Variants in DPY19L3 observed in about 807,000 individuals in gnomAD.
DPY19L3 encodes dpy-19 like C-mannosyltransferase 3.
DPY19L3 carries 51 observed loss-of-function variants against 92.3 expected under a neutral mutation model. The observed-to-expected ratio is 0.55, with a 90% CI of 0.44 to 0.70. The LOEUF is 0.70. Ranked by LOEUF, DPY19L3 falls within the 30% of genes least tolerant of loss-of-function variation. DPY19L3 has a pLI of 0.00. For missense variants in DPY19L3, 706 were observed against 855.9 expected (o/e 0.82, Z 2.18); for synonymous variants, 309 against 315.2 (o/e 0.98, Z 0.21).
At chr19:32,407,600 A>G (rs1257268592) in intron 1 of DPY19L3, among the ~76,000 whole-genome samples, 1 of 152,114 alleles carries the variant, frequency 6.6e-6, no homozygotes, top group Non-Finnish European at 1.5e-5. Context: ...AGGGAGGGAG[A>G]AGATCAGCCG....
chr19:32,481,213 A>G (rs17692336), intron 18 of DPY19L3: 59,888 of 155,768 alleles, frequency 0.38, 13,411 homozygotes, highest in Non-Finnish European at 0.52. Flanking sequence ...GAAAGCCAAT[A>G]GATATTTGTA....
intron 8 of DPY19L3, among the ~76,000 whole-genome samples, chr19:32,450,245 T>A (rs1289343995): frequency 6.6e-6 from 1 of 152,142 alleles, no homozygotes; most frequent in Non-Finnish European, 1.5e-5. Context: ...ATGTCGCGGA[T>A]GTGAAGAAAT....
chr19:32,422,646 A>ACACACACACACG (rs1348261029), intron 3 of DPY19L3, among the ~76,000 whole-genome samples: 1 of 151,870 alleles, frequency 6.6e-6, no homozygotes, highest in African/African-American at 2.4e-5. Context: ...ACACACACAC[A>ACACACACACACG]CACACACACA....
intron 12 of DPY19L3, among the ~76,000 whole-genome samples, chr19:32,460,228 G>T (rs1030783104): frequency 1.3e-5 from 2 of 151,734 alleles, no homozygotes; most frequent in Non-Finnish European, 2.9e-5. Context: ...TAGCAAGACC[G>T]CATCTCTACG....
In DPY19L3 at chr19:32,458,456, C is replaced by A. The variant is rs754823147; in HGVS notation, c.1269C>A (p.Phe423Leu). 1.9e-6 allele frequency: 3 copies of A among 1,613,784 alleles called. No homozygotes were observed. Among genetic ancestry groups the A allele is most frequent in the Non-Finnish European group, 2.5e-6 (3 of 1,179,966 alleles). ...SDTLLFYAYIFVLSITVIVAF... is the reference protein window; with the variant it reads ...SDTLLFYAYILVLSITVIVAF... ...CTCTGCTTTTTTATGCTTACATATTCGTTCTGTCCATCACAGTGATTGTAG... is the reference window on the plus strand; with the variant it reads ...CTCTGCTTTTTTATGCTTACATATTAGTTCTGTCCATCACAGTGATTGTAG... Residue 423 changes from phenylalanine (F) to leucine (L), a missense_variant, in exon 12 of 19, where the codon TTC becomes TTA. Coordinates refer to ENST00000392250, the MANE Select transcript of DPY19L3 (RefSeq NM_001172774.2).
At position 32,463,891 on chromosome 19, in the gene DPY19L3, C is replaced by T. The variant is rs1339246091; in HGVS notation, c.1468C>T (p.His490Tyr). The T allele has an allele frequency of 1.9e-6, 3 of 1,613,614 alleles. No homozygotes were observed. Among genetic ancestry groups the T allele is most frequent in the African/African-American group, 2.7e-5 (2 of 75,018 alleles). Residue 490 changes from histidine (H) to tyrosine (Y), a missense_variant, in exon 14 of 19, where the codon CAC becomes TAC. Transcript: ENST00000392250. ...CAGAATGAAGTACCTCTGGACGTCACACATGTGTGTGTTCGCATCATTCGG... is the reference window on the plus strand; with the variant it reads ...CAGAATGAAGTACCTCTGGACGTCATACATGTGTGTGTTCGCATCATTCGG... ...TMRMKYLWTS[H>Y]MCVFASFGLC...
chr19:32,423,831 A>G (rs1968663737), intron 3 of DPY19L3, among the ~76,000 whole-genome samples: 1 of 152,180 alleles, frequency 6.6e-6, no homozygotes, highest in East Asian at 1.9e-4. Flanking sequence ...CCTGGGCAAC[A>G]TGGTGAAACC....
intron 1 of DPY19L3, chr19:32,406,262 A>G (rs1336202070): frequency 1.3e-5 from 2 of 152,322 alleles, no homozygotes; most frequent in African/African-American, 4.8e-5. Flanking sequence ...TTGGAGACCT[A>G]CCTGATGGGG....
chr19:32,420,240 G>A (rs1968523594), intron 3 of DPY19L3, among the ~76,000 whole-genome samples: 1 of 152,028 alleles, frequency 6.6e-6, no homozygotes, highest in Non-Finnish European at 1.5e-5. Flanking sequence ...CCAGTCTTCT[G>A]CAATAGAGTC....
intron 3 of DPY19L3, among the ~76,000 whole-genome samples, chr19:32,421,145 A>C (rs1486914107): frequency 1.3e-5 from 2 of 152,184 alleles, no homozygotes; most frequent in African/African-American, 4.8e-5. Context: ...CCAACTTTGG[A>C]TAGTTAGATT....
chr19:32,441,912 C>T (rs1969338147), intron 8 of DPY19L3, among the ~76,000 whole-genome samples: 2 of 152,114 alleles, frequency 1.3e-5, no homozygotes, highest in Admixed American at 1.3e-4. Context: ...CTTTGTTCAA[C>T]TTTTACATTT....
At chr19:32,481,967 A>G in intron 18 of DPY19L3, 112 bp from the exon 19 acceptor site, 2 of 1,227,956 alleles carry the variant, frequency 1.6e-6, no homozygotes, top group Non-Finnish European at 2.3e-6. Flanking sequence ...AAATAATATA[A>G]TTTAATTTCA....
In DPY19L3 at chr19:32,463,346, T is replaced by A. The variant is rs201586637; in HGVS notation, c.1323-20T>A. 23 of 1,612,180 alleles carry A rather than the reference T, an allele frequency of 1.4e-5. No homozygotes were observed. The East Asian group carries it at 4.7e-4, about 33-fold the overall frequency. ...AATTATGTTTCCAGCTTAAATTTTG[T>A]ATGTTGCTGTTTTACTCAGTGATTC... is the stretch of plus-strand genomic sequence containing the variant. On this transcript the variant is annotated intron_variant, in intron 12 of 18. Transcript: ENST00000392250.
chr19:32,472,403 C>G (rs1212567942), intron 16 of DPY19L3, among the ~76,000 whole-genome samples: 1 of 152,168 alleles, frequency 6.6e-6, no homozygotes, highest in Admixed American at 6.5e-5. Context: ...GTGCATTCAC[C>G]TGCCTGCTGC....
intron 8 of DPY19L3, among the ~76,000 whole-genome samples, chr19:32,443,104 C>A (rs1969375072): frequency 6.6e-6 from 1 of 152,208 alleles, no homozygotes; most frequent in East Asian, 1.9e-4. Context: ...TGCCCTACCC[C>A]ATGCTGTCGG....
intron 10 of DPY19L3, among the ~76,000 whole-genome samples, chr19:32,456,749 G>C (rs927043526): frequency 6.6e-6 from 1 of 151,988 alleles, no homozygotes; most frequent in African/African-American, 2.4e-5. Flanking sequence ...CTTTTTTTGA[G>C]TTGATGAATA....
chr19:32,464,264 G>C (rs1460765259), intron 14 of DPY19L3, among the ~76,000 whole-genome samples: 2 of 151,996 alleles, frequency 1.3e-5, no homozygotes, highest in Non-Finnish European at 2.9e-5. Context: ...TAATCCCCTT[G>C]TCCGGAATTA....
chr19:32,468,973 A>G (rs1388801419), intron 16 of DPY19L3, 160 bp downstream of exon 16: 3 of 578,804 alleles, frequency 5.2e-6, no homozygotes, highest in Non-Finnish European at 8.1e-6. Context: ...TTTGAAAATA[A>G]TGTCTTTCTA....
At chr19:32,476,828 C>A (rs1000590503) in intron 16 of DPY19L3, among the ~76,000 whole-genome samples, 2 of 152,026 alleles carry the variant, frequency 1.3e-5, no homozygotes, top group Non-Finnish European at 2.9e-5. Context: ...TTTGTGTATC[C>A]CCCATATTAA....
Sources: gnomAD v4.1 joint callset for allele counts (sites outside exome capture counted in the v4.1 genomes callset) on GRCh38, gnomAD v4.1.1 for gene constraint, MANE v1.5 for transcripts, NCBI Gene and HGNC (gene_info 2026-07-23, HGNC 2026-07-21) for gene names.